TDRP: variants seen among roughly 807,000 people sequenced by gnomAD.
The protein encoded by TDRP is testis development related protein, also known as testis development-related protein.
TDRP carries 12 observed loss-of-function variants against 10.5 expected under a neutral mutation model. The ratio of observed to expected loss-of-function variants is 1.15; its 90% CI spans 0.73 to 1.86. TDRP has a LOEUF of 1.86. Among genes scored for constraint, TDRP ranks in the 40% most tolerant of loss-of-function variants. The pLI, the probability that TDRP is intolerant of heterozygous loss-of-function variation, is 0.00. For missense variants in TDRP, 353 were observed against 229.2 expected, an observed-to-expected ratio of 1.54 and a Z score of -3.49; for synonymous variants, 139 against 95.4, an observed-to-expected ratio of 1.46 and a Z score of -2.67.
At chr8:492,799 T>C in intron 2 of TDRP, 55 bp from the exon 3 acceptor site, 1 of 1,291,222 alleles carries the variant, frequency 7.7e-7, no homozygotes, top group Non-Finnish European at 1.1e-6. Context: ...GGCCTCAAGC[T>C]TTATCCATTT....
At chr8:494,736 C>T (rs1186293651) in intron 1 of TDRP, 139 bp from the exon 2 acceptor site, 2 of 706,050 alleles carry the variant, frequency 2.8e-6, no homozygotes, top group Non-Finnish European at 4.7e-6. Flanking sequence ...TACCTGTGCG[C>T]ACATAGTTTA....
rs1012083945 is a variant in TDRP at position 492,237 on chromosome 8, AGTGT to A, written c.*158_*161del. 1.5e-5 allele frequency: 20 copies of A among 1,303,210 alleles called. No homozygotes were observed. In the African/African-American group the frequency reaches 2.4e-4, roughly 16 times the overall value. 80.7% of individuals were successfully genotyped at this position (1,303,210 alleles called of 1,614,324 possible). The stretch of plus-strand genomic sequence containing the variant: ...CTGCACGTGTTCACCAAGGAGTCAC[AGTGT>A]GTGTGAGAGTTCATTAAATAAAGAA... On this transcript the variant is annotated 3_prime_UTR_variant, in exon 3 of 3. Transcript: ENST00000324079.
intron 1 of TDRP, among the ~76,000 whole-genome samples, chr8:516,694 G>C (rs1362422311): frequency 6.6e-6 from 1 of 152,144 alleles, no homozygotes; most frequent in African/African-American, 2.4e-5. Context: ...CAGTTTGGCA[G>C]TTTCTTATAA....
chr8:523,965 C>T (rs535055920), intron 1 of TDRP, among the ~76,000 whole-genome samples: 1 of 152,276 alleles, frequency 6.6e-6, no homozygotes, highest in East Asian at 1.9e-4. Context: ...AAGTGGTAGC[C>T]AGGCAGTGGT....
intron 1 of TDRP, among the ~76,000 whole-genome samples, chr8:510,500 G>C (rs183670514): frequency 1.3e-5 from 2 of 152,222 alleles, no homozygotes; most frequent in East Asian, 3.9e-4. Flanking sequence ...ATGACCAATA[G>C]CTTATAAAGG....
chr8:525,476 C>A (rs139453351), intron 1 of TDRP, among the ~76,000 whole-genome samples: 1 of 152,130 alleles, frequency 6.6e-6, no homozygotes, highest in African/African-American at 2.4e-5. Context: ...CTTTAAATGA[C>A]AAACCAATTA....
chr8:516,135 C>T (rs951679214), intron 1 of TDRP, among the ~76,000 whole-genome samples: 1 of 152,168 alleles, frequency 6.6e-6, no homozygotes, highest in Non-Finnish European at 1.5e-5. Flanking sequence ...AAGTACTACA[C>T]TGGTCCGGTA....
chr8:520,532 A>C (rs560943079), intron 1 of TDRP, among the ~76,000 whole-genome samples: 11 of 152,350 alleles, frequency 7.2e-5, no homozygotes, highest in African/African-American at 2.4e-4. Flanking sequence ...AGTTTTCCAC[A>C]GCAGCTAAAT....
At chr8:542,221 A>G (rs964308399) in intron 1 of TDRP, among the ~76,000 whole-genome samples, 4 of 152,222 alleles carry the variant, frequency 2.6e-5, no homozygotes, top group Admixed American at 6.5e-5. Context: ...GCGACAGTAC[A>G]AAGATCAATG....
Position 492,105 on chromosome 8 carries a change from T to C in TDRP, c.*294A>G, listed in dbSNP as rs192105390. The C allele has an allele frequency of 1.7e-6, 2 of 1,204,130 alleles. No homozygotes were observed. The highest frequency in any genetic ancestry group is 7.2e-5 in the East Asian group (2 of 27,692). 74.6% of individuals were successfully genotyped at this position (1,204,130 alleles called of 1,614,324 possible). A position where few individuals can be genotyped will look rare whatever the true frequency, so the allele number is the denominator to read the frequency against. ...TCATTTTGTGAGAAACTGCAAATCA[T>C]TACTGCTGTATTATGGGAGAGCATC... On this transcript the variant is annotated 3_prime_UTR_variant, in exon 3 of 3. Coordinates refer to ENST00000324079, the MANE Select transcript of TDRP (RefSeq NM_001384899.1).
chr8:510,310 C>T (rs1048940296), intron 1 of TDRP, among the ~76,000 whole-genome samples: 1 of 152,100 alleles, frequency 6.6e-6, no homozygotes, highest in Non-Finnish European at 1.5e-5. Context: ...CCCCCCATCC[C>T]GAGGCTATCT....
upstream of TDRP, among the ~76,000 whole-genome samples, chr8:545,390 C>T (rs1422982886): frequency 1.4e-5 from 2 of 146,474 alleles, no homozygotes; most frequent in Non-Finnish European, 3.0e-5. Context: ...CGCAAATTCC[C>T]CTCTCCCGGT....
chr8:523,269 A>G (rs952504384), intron 1 of TDRP, among the ~76,000 whole-genome samples: 1 of 152,188 alleles, frequency 6.6e-6, no homozygotes, highest in Non-Finnish European at 1.5e-5. Flanking sequence ...CCCCGCATAT[A>G]AATGTATTAC....
intron 1 of TDRP, among the ~76,000 whole-genome samples, chr8:539,510 G>T (rs1802435815): frequency 6.6e-6 from 1 of 152,222 alleles, no homozygotes; most frequent in Non-Finnish European, 1.5e-5. Flanking sequence ...ACGAAAGAAT[G>T]AGGAAGCTCT....
intron 1 of TDRP, among the ~76,000 whole-genome samples, chr8:523,720 A>C (rs1458380153): frequency 6.6e-6 from 1 of 152,106 alleles, no homozygotes; most frequent in Admixed American, 6.5e-5. Flanking sequence ...GCTTGTGGAA[A>C]GGGGAGGGAA....
At chr8:533,779 G>T (rs1408766003) in intron 1 of TDRP, among the ~76,000 whole-genome samples, 1 of 152,090 alleles carries the variant, frequency 6.6e-6, no homozygotes, top group African/African-American at 2.4e-5. Context: ...AGAAAAAAGG[G>T]AAGTATATAA....
intron 1 of TDRP, among the ~76,000 whole-genome samples, chr8:532,374 C>T (rs975351952): frequency 1.3e-5 from 2 of 152,184 alleles, no homozygotes; most frequent in African/African-American, 4.8e-5. Flanking sequence ...ATATTAGCCC[C>T]CAGGCTCCCT....
chr8:498,790 T>G (rs777652184), intron 1 of TDRP, among the ~76,000 whole-genome samples: 2 of 152,152 alleles, frequency 1.3e-5, no homozygotes, highest in African/African-American at 2.4e-5. Flanking sequence ...TGGTGGGACG[T>G]GACTGGATCA....
intron 1 of TDRP, among the ~76,000 whole-genome samples, chr8:541,054 A>C (rs1802477232): frequency 6.6e-6 from 1 of 152,200 alleles, no homozygotes; most frequent in Non-Finnish European, 1.5e-5. Context: ...ATTAATTCCT[A>C]CTTCTCTCAA....
Sources: allele counts gnomAD v4.1 joint callset (sites outside exome capture counted in the v4.1 genomes callset), GRCh38; gene constraint gnomAD v4.1.1; transcripts MANE v1.5; gene names NCBI Gene and HGNC (gene_info 2026-07-23, HGNC 2026-07-21).